HERC1: variants seen among roughly 807,000 people sequenced by gnomAD.
The protein encoded by HERC1 is probable E3 ubiquitin-protein ligase HERC1.
HERC1 carries 160 observed loss-of-function variants against 554.3 expected under a neutral mutation model. That is an observed-to-expected ratio of 0.29 (90% CI 0.25 to 0.33). The LOEUF (loss-of-function observed/expected upper bound fraction) is 0.33, where lower values mean the gene tolerates loss of function less well. Among genes scored for constraint, HERC1 ranks in the 10% least tolerant of loss-of-function variants. The pLI is 1.00. For synonymous variants in HERC1, 2,175 were observed against 2,131.7 expected (o/e 1.02, Z -0.56); for missense variants, 4,919 against 5,918.5 (o/e 0.83, Z 5.54).
intron 1 of HERC1, among the ~76,000 whole-genome samples, chr15:63,791,388 G>A (rs931580386): frequency 3.9e-5 from 6 of 152,000 alleles, no homozygotes; most frequent in Non-Finnish European, 5.9e-5. Flanking sequence ...TTACAAATAC[G>A]AGCTCTGTGT....
Position 63,677,275 on chromosome 15 carries a change from C to T in HERC1, c.7070+570G>A, listed in dbSNP as rs1049520908. Among the ~76,000 whole-genome samples, 1 of 152,156 alleles carries T rather than the reference C, an allele frequency of 6.6e-6. No homozygotes were observed. The highest frequency in any genetic ancestry group is 2.4e-5 in the African/African-American group (1 of 41,446). ...AAATCCTCTCTGAATTCAAACACACCTAAATGCTTTTAAATACCCAGTTTG... is the reference window on the plus strand; with the variant it reads ...AAATCCTCTCTGAATTCAAACACACTTAAATGCTTTTAAATACCCAGTTTG... On this transcript the variant is annotated intron_variant, in intron 37 of 77. Transcript: ENST00000443617. This position sits in a 1 kb window ranked among gnomAD's most constrained non-coding sequence, Gnocchi z 4.4.
At chr15:63,713,715 G>A (rs751170598) in intron 22 of HERC1, 50 bp from the exon 23 acceptor site, 1 of 1,471,386 alleles carries the variant, frequency 6.8e-7, no homozygotes, top group Non-Finnish European at 9.2e-7. Flanking sequence ...GGAGAGAAGA[G>A]CAAAGAAAAT....
intron 19 of HERC1, among the ~76,000 whole-genome samples, chr15:63,720,657 T>C (rs757719245): frequency 2.0e-5 from 3 of 152,204 alleles, no homozygotes; most frequent in Admixed American, 6.5e-5. Context: ...TAAGAAATTC[T>C]TAAAGCCCAC....
intron 25 of HERC1, among the ~76,000 whole-genome samples, chr15:63,702,060 C>T (rs1333746884): frequency 6.6e-6 from 1 of 152,052 alleles, no homozygotes; most frequent in African/African-American, 2.4e-5. Context: ...TCAAAATGAA[C>T]ATGGCAGAGC....
chr15:63,745,082 C>T (rs1408466244), intron 12 of HERC1, among the ~76,000 whole-genome samples: 1 of 152,188 alleles, frequency 6.6e-6, no homozygotes, highest in African/African-American at 2.4e-5. Flanking sequence ...AGACTTGCGA[C>T]TCTGACTGGT....
chr15:63,667,463 G>T (rs1483472701), intron 40 of HERC1, among the ~76,000 whole-genome samples: 2 of 151,982 alleles, frequency 1.3e-5, no homozygotes, highest in East Asian at 3.8e-4. Context: ...TATAGTGTCT[G>T]AATAGAAAAA....
At chr15:63,614,645 T>C (rs1328945008) in intron 76 of HERC1, among the ~76,000 whole-genome samples, 2 of 152,204 alleles carry the variant, frequency 1.3e-5, no homozygotes, top group Non-Finnish European at 2.9e-5. Flanking sequence ...GTCCAGCTCT[T>C]GAGAAGACCC....
chr15:63,645,654 G>A lies in HERC1; in HGVS notation c.10907C>T (p.Pro3636Leu). The change falls in exon 56 of 78, where the codon CCT (proline) becomes CTT (leucine). Residue 3636 changes from proline (P) to leucine (L), a missense_variant. By Grantham distance (98) the Pro-to-Leu change is moderately conservative. Around this residue, in one of 11 missense-constraint regions of HERC1, gnomAD observed 1,963 missense variants for 2,228.6 expected, o/e 0.88. Coordinates refer to ENST00000443617, the MANE Select transcript of HERC1 (RefSeq NM_003922.4). ...ACATGTCATAAGAATATGACCTGTAGGGTCCCACTTCATGCTAATAAGAGT... is the reference window on the plus strand; with the variant it reads ...ACATGTCATAAGAATATGACCTGTAAGGTCCCACTTCATGCTAATAAGAGT... The part of the protein sequence containing the change: ...KDTLISMKWD[P>L]TGHILMTCAK... 12 of 1,601,802 alleles carry A rather than the reference G, an allele frequency of 7.5e-6. No homozygotes were observed. Among genetic ancestry groups the A allele is most frequent in the Non-Finnish European group, 1.0e-5 (12 of 1,174,732 alleles).
At chr15:63,822,164 G>A (rs17774730) in intron 1 of HERC1, among the ~76,000 whole-genome samples, 44,389 of 152,080 alleles carry the variant, frequency 0.29, 6,957 homozygotes, top group Middle Eastern at 0.4. Flanking sequence ...GGCCCGGTCA[G>A]GGAATACGGA....
In HERC1 at chr15:63,758,151, T is replaced by G. The variant is rs549410778; in HGVS notation, c.1221+24A>C. The G allele has an allele frequency of 3.9e-6, 6 of 1,548,052 alleles. No homozygotes were observed. Among genetic ancestry groups the G allele is most frequent in the Non-Finnish European group, 2.7e-6 (3 of 1,126,386 alleles). On this transcript the variant is annotated intron_variant, in intron 4 of 77. Coordinates refer to ENST00000443617, the MANE Select transcript of HERC1 (RefSeq NM_003922.4). This position sits in a 1 kb window ranked among gnomAD's most constrained non-coding sequence, Gnocchi z 4.0. ...AATATACACCAGATTATCTACCAGT[T>G]TGTAAGCTATTTAGAAAACTTACGG...
intron 1 of HERC1, among the ~76,000 whole-genome samples, chr15:63,812,646 C>T (rs2077367467): frequency 6.6e-6 from 1 of 152,084 alleles, no homozygotes; most frequent in African/African-American, 2.4e-5. Flanking sequence ...AAGCTGCACA[C>T]TAGTAAGCTT....
At chr15:63,737,363 C>A (rs1164344820) in intron 12 of HERC1, among the ~76,000 whole-genome samples, 2 of 135,328 alleles carry the variant, frequency 1.5e-5, no homozygotes, top group African/African-American at 5.6e-5. Context: ...ATATATATAT[C>A]TTTTTTCCAG....
At chr15:63,771,350 T>C (rs754259144) in intron 2 of HERC1, among the ~76,000 whole-genome samples, 10 of 152,290 alleles carry the variant, frequency 6.6e-5, no homozygotes, top group Non-Finnish European at 1.5e-4. Flanking sequence ...CAATCTAATG[T>C]AGGCCTGAGG....
chr15:63,687,344 C>G (rs895955024), intron 33 of HERC1, among the ~76,000 whole-genome samples: 20 of 152,066 alleles, frequency 1.3e-4, no homozygotes, highest in South Asian at 6.2e-4. Flanking sequence ...TTGAGATCAG[C>G]CTGGCTAATA....
intron 37 of HERC1, among the ~76,000 whole-genome samples, chr15:63,676,219 C>T (rs1000065111): frequency 6.6e-6 from 1 of 152,066 alleles, no homozygotes; most frequent in Non-Finnish European, 1.5e-5. Context: ...TGCATCTTAA[C>T]CAGGCATCAT....
chr15:63,676,220 C>CG (rs2071197003), intron 37 of HERC1, among the ~76,000 whole-genome samples: 6 of 152,090 alleles, frequency 3.9e-5, no homozygotes, highest in African/African-American at 1.4e-4. Context: ...GCATCTTAAC[C>CG]AGGCATCATA....
chr15:63,827,676 A>G (rs1335787475), intron 1 of HERC1, among the ~76,000 whole-genome samples: 1 of 152,226 alleles, frequency 6.6e-6, no homozygotes, highest in Non-Finnish European at 1.5e-5. Flanking sequence ...ATATGTCCAC[A>G]CAAAAAATTG....
At chr15:63,789,154 A>T (rs55762773) in intron 1 of HERC1, among the ~76,000 whole-genome samples, 1 of 122,362 alleles carries the variant, frequency 8.2e-6, no homozygotes, top group Non-Finnish European at 1.6e-5. Flanking sequence ...GCAGTGGTGC[A>T]ATCTCGGCTC....
intron 47 of HERC1, 30 bp downstream of exon 47, chr15:63,659,706 A>C (rs1421985744): frequency 6.5e-7 from 1 of 1,528,822 alleles, no homozygotes; most frequent in Admixed American, 1.7e-5. Context: ...AGATGCTATA[A>C]AATCAATGCA....
Sources: gnomAD v4.1 joint callset for allele counts (sites outside exome capture counted in the v4.1 genomes callset) on GRCh38, gnomAD v4.1.1 for gene constraint, gnomAD v4.1.1 regional missense constraint, Gnocchi (gnomAD v3.1) non-coding constraint, MANE v1.5 for transcripts, NCBI Gene and HGNC (gene_info 2026-07-23, HGNC 2026-07-21) for gene names.